Variants in SULT2B1 observed in about 807,000 individuals in gnomAD.
SULT2B1 encodes the protein sulfotransferase 2B1.
A neutral mutation model predicts 33.2 loss-of-function variants in SULT2B1; 16 were observed. The ratio of observed to expected loss-of-function variants is 0.48; its 90% CI spans 0.33 to 0.73. The LOEUF (loss-of-function observed/expected upper bound fraction) is 0.73. Ranked by LOEUF, SULT2B1 falls within the 30% of genes least tolerant of loss-of-function variation. The pLI is 0.02. For missense variants in SULT2B1, 500 were observed against 506.0 expected, an observed-to-expected ratio of 0.99 and a Z score of 0.11; for synonymous variants, 186 against 200.5, an observed-to-expected ratio of 0.93 and a Z score of 0.61.
In SULT2B1 at chr19:48,599,262, C is replaced by T. The variant is rs1301598673; in HGVS notation, c.954C>T (p.Ser318=). Residue 318 remains serine (S), a synonymous_variant, in exon 7 of 7, where the codon AGC becomes AGT. Transcript: ENST00000201586. The surrounding 1 kb of genome is among the most constrained non-coding windows in gnomAD (Gnocchi z 4.1). Reference sequence around the variant, plus strand: ...ATGAAGACCCGGAGGAGGACGGCAGCCCAGATCCTGAGCCCAGCCCTGAGC... The same window carrying T: ...ATGAAGACCCGGAGGAGGACGGCAGTCCAGATCCTGAGCCCAGCCCTGAGC... ...PWDEDPEEDG[S]PDPEPSPEPE... The T allele has an allele frequency of 6.2e-7, 1 of 1,610,806 alleles. No homozygotes were observed. The highest frequency in any genetic ancestry group is 8.5e-7 in the Non-Finnish European group (1 of 1,178,958).
chr19:48,583,043 T>A (rs1377893621), intron 2 of SULT2B1, among the ~76,000 whole-genome samples: 1 of 146,538 alleles, frequency 6.8e-6, no homozygotes. Flanking sequence ...CCCAGCTACT[T>A]GGGAGGCTGA....
chr19:48,577,200 T>C (rs1022536162), intron 2 of SULT2B1, among the ~76,000 whole-genome samples: 2 of 150,502 alleles, frequency 1.3e-5, no homozygotes, highest in East Asian at 3.9e-4. Flanking sequence ...GCGCGGCTAC[T>C]TCTTTTTATT....
intron 2 of SULT2B1, among the ~76,000 whole-genome samples, chr19:48,576,515 C>T (rs1416615326): frequency 2.0e-5 from 3 of 148,296 alleles, no homozygotes; most frequent in Non-Finnish European, 3.0e-5. Context: ...TTTTATTTTT[C>T]GAGACAAGGT....
chr19:48,562,071 C>G (rs574515547), intron 1 of SULT2B1, among the ~76,000 whole-genome samples: 1 of 151,956 alleles, frequency 6.6e-6, no homozygotes, highest in Non-Finnish European at 1.5e-5. Context: ...ACCAACATGG[C>G]GAAACCCTGT....
At chr19:48,588,593 TTA>T (rs1318237857) in intron 3 of SULT2B1, among the ~76,000 whole-genome samples, 1 of 149,542 alleles carries the variant, frequency 6.7e-6, no homozygotes, top group African/African-American at 2.4e-5. Context: ...TATTTAATAT[TTA>T]TATGTTTAAC....
chr19:48,596,190 G>A (rs79008751), intron 5 of SULT2B1: 6,993 of 155,544 alleles, frequency 0.045, 554 homozygotes, highest in African/African-American at 0.16. Context: ...ACAGAGGAGG[G>A]GATATGGCAA....
chr19:48,569,656 G>C (rs77181213), intron 1 of SULT2B1, among the ~76,000 whole-genome samples: 3 of 150,028 alleles, frequency 2.0e-5, no homozygotes, highest in African/African-American at 7.4e-5. Flanking sequence ...GAGCCACCAT[G>C]CCTGGCCTCA....
At chr19:48,585,890 G>A (rs983319835) in intron 2 of SULT2B1, among the ~76,000 whole-genome samples, 4 of 152,076 alleles carry the variant, frequency 2.6e-5, no homozygotes, top group African/African-American at 9.7e-5. Context: ...AGATTTTTAT[G>A]TCCAGACACC....
chr19:48,590,003 G>A (rs561824311), intron 3 of SULT2B1, among the ~76,000 whole-genome samples: 2 of 151,908 alleles, frequency 1.3e-5, no homozygotes, highest in African/African-American at 4.8e-5. Context: ...TTTTGAGACA[G>A]AGTTTCCCTC....
At chr19:48,568,427 G>A (rs1973272394) in intron 1 of SULT2B1, among the ~76,000 whole-genome samples, 1 of 152,154 alleles carries the variant, frequency 6.6e-6, no homozygotes, top group African/African-American at 2.4e-5. Context: ...AGACAGAGAA[G>A]GAGCTGGCCT....
At chr19:48,555,599 G>A (rs1033053111) in intron 1 of SULT2B1, among the ~76,000 whole-genome samples, 2 of 136,342 alleles carry the variant, frequency 1.5e-5, no homozygotes, top group African/African-American at 5.9e-5. Context: ...TTTTGAGACA[G>A]AGCCTTGCTC....
chr19:48,597,065 GC>G, intron 6 of SULT2B1, 146 bp downstream of exon 6: 1 of 975,148 alleles, frequency 1.0e-6, no homozygotes, highest in East Asian at 2.6e-5. Flanking sequence ...GGTTGATCAC[GC>G]ACGGGGCTTA....
intron 2 of SULT2B1, among the ~76,000 whole-genome samples, chr19:48,580,066 A>G (rs2431141): frequency 0.87 from 131,544 of 150,890 alleles, 57,518 homozygotes; most frequent in Non-Finnish European, 0.91. Flanking sequence ...TGGGACGACA[A>G]GTGCACACCA....
At chr19:48,589,167 A>G (rs1973609981) in intron 3 of SULT2B1, among the ~76,000 whole-genome samples, 1 of 152,292 alleles carries the variant, frequency 6.6e-6, no homozygotes. Flanking sequence ...TGGCTGGACT[A>G]GGGTGATGGT....
At chr19:48,553,223 G>T (rs1186337041) in intron 1 of SULT2B1, among the ~76,000 whole-genome samples, 1 of 152,192 alleles carries the variant, frequency 6.6e-6, no homozygotes, top group Non-Finnish European at 1.5e-5. Flanking sequence ...CTTCCTGGCA[G>T]CCTGGGCCCC....
At chr19:48,595,499 G>A (rs1973698813) in intron 5 of SULT2B1, among the ~76,000 whole-genome samples, 1 of 152,100 alleles carries the variant, frequency 6.6e-6, no homozygotes, top group Admixed American at 6.6e-5. Flanking sequence ...ACTCAGAAAG[G>A]AAGGTGATAT....
intron 1 of SULT2B1, among the ~76,000 whole-genome samples, chr19:48,572,020 T>C (rs2544796): frequency 0.65 from 98,875 of 151,936 alleles, 32,575 homozygotes; most frequent in African/African-American, 0.76. Flanking sequence ...CTTTCACTAC[T>C]CACTTCCTGA....
At position 48,563,689 on chromosome 19, in the gene SULT2B1, G is replaced by A. The variant is rs575954886; in HGVS notation, c.71+11366G>A. Among the ~76,000 whole-genome samples, 11 of 152,146 alleles carry A rather than the reference G, an allele frequency of 7.2e-5. No individual in the cohort carries two copies. The South Asian group carries it at 1.9e-3, about 26-fold the overall frequency. ...AGACAAGATGCAGGCTGGGGCGCAG[G>A]CACCGTGGCTCACACTTGTAATCCC... On this transcript the variant is annotated intron_variant, in intron 1 of 6. Transcript: ENST00000201586.
chr19:48,579,633 T>C (rs1244364260), intron 2 of SULT2B1, among the ~76,000 whole-genome samples: 2 of 130,012 alleles, frequency 1.5e-5, no homozygotes, highest in East Asian at 4.9e-4. Flanking sequence ...TGAGACGAAG[T>C]CTCGCTCTTG....
Sources: allele counts gnomAD v4.1 joint callset (sites outside exome capture counted in the v4.1 genomes callset), GRCh38; gene constraint gnomAD v4.1.1; non-coding constraint Gnocchi (gnomAD v3.1); transcripts MANE v1.5; gene names NCBI Gene and HGNC (gene_info 2026-07-23, HGNC 2026-07-21).